DIAPH3: variants seen among roughly 807,000 people sequenced by gnomAD.
DIAPH3 encodes protein diaphanous homolog 3.
Under a neutral mutation model 144.3 loss-of-function variants are expected in DIAPH3, and 117 were observed. The observed-to-expected ratio is 0.81, with a 90% CI of 0.70 to 0.95. DIAPH3 has a LOEUF of 0.95. Among genes scored for constraint, DIAPH3 ranks in the 40% least tolerant of loss-of-function variants. The pLI is 0.00. For missense variants in DIAPH3, 1,421 were observed against 1,412.7 expected, an observed-to-expected ratio of 1.01 and a Z score of -0.09; for synonymous variants, 519 against 488.9, an observed-to-expected ratio of 1.06 and a Z score of -0.81.
chr13:59,724,070 T>C (rs1290308892), intron 27 of DIAPH3, among the ~76,000 whole-genome samples: 1 of 151,396 alleles, frequency 6.6e-6, no homozygotes, highest in Non-Finnish European at 1.5e-5. Context: ...TACCAGCAAG[T>C]ATGGGTAGGG....
At chr13:59,908,369 CAAAAAAAAAA>C (rs773306723) in intron 20 of DIAPH3, among the ~76,000 whole-genome samples, 15 of 41,172 alleles carry the variant, frequency 3.6e-4, no homozygotes, top group Admixed American at 8.1e-4. Flanking sequence ...GACTCTGTCT[CAAAAAAAAAA>C]AAAAAAAAAA....
intron 17 of DIAPH3, among the ~76,000 whole-genome samples, chr13:59,944,801 G>T (rs1199133896): frequency 6.7e-6 from 1 of 149,534 alleles, no homozygotes; most frequent in African/African-American, 2.4e-5. Flanking sequence ...AAAAGGGGGG[G>T]GGCTATTATC....
At chr13:59,682,613 G>A (rs1049554131) in intron 27 of DIAPH3, among the ~76,000 whole-genome samples, 3 of 152,148 alleles carry the variant, frequency 2.0e-5, no homozygotes, top group Non-Finnish European at 2.9e-5. Flanking sequence ...TTTTTTAGCT[G>A]TACTTATGCA....
At chr13:59,873,732 T>C (rs1016951326) in intron 21 of DIAPH3, among the ~76,000 whole-genome samples, 6 of 150,688 alleles carry the variant, frequency 4.0e-5, no homozygotes, top group African/African-American at 1.5e-4. Context: ...AGTGGCATGA[T>C]CTCGGCTCAC....
chr13:59,855,893 T>C (rs1287590470), intron 22 of DIAPH3, among the ~76,000 whole-genome samples: 1 of 151,800 alleles, frequency 6.6e-6, no homozygotes, highest in Non-Finnish European at 1.5e-5. Context: ...AACATATATA[T>C]ATTTATGGAT....
intron 19 of DIAPH3, among the ~76,000 whole-genome samples, chr13:59,913,312 T>C (rs1028645049): frequency 1.3e-5 from 2 of 152,198 alleles, no homozygotes; most frequent in Non-Finnish European, 2.9e-5. Flanking sequence ...GTCTCTCCCC[T>C]TACAAATTCC....
chr13:60,155,633 G>A (rs1346358875), intron 1 of DIAPH3, among the ~76,000 whole-genome samples: 5 of 152,224 alleles, frequency 3.3e-5, no homozygotes, highest in African/African-American at 1.2e-4. Flanking sequence ...TAAAATTTAG[G>A]TGCCTAAAGC....
At chr13:60,040,026 A>C (rs1287586617) in intron 5 of DIAPH3, among the ~76,000 whole-genome samples, 2 of 151,972 alleles carry the variant, frequency 1.3e-5, no homozygotes, top group East Asian at 3.9e-4. Flanking sequence ...ATTAGAGGTC[A>C]GGAATTCAAG....
At chr13:59,915,188 G>C (rs1163951635) in intron 19 of DIAPH3, among the ~76,000 whole-genome samples, 1 of 151,878 alleles carries the variant, frequency 6.6e-6, no homozygotes, top group Non-Finnish European at 1.5e-5. Context: ...CATGAACGAA[G>C]ATGAAAATCC....
At chr13:59,720,526 C>T (rs139878319) in intron 27 of DIAPH3, among the ~76,000 whole-genome samples, 129 of 151,820 alleles carry the variant, frequency 8.5e-4, no homozygotes, top group African/African-American at 2.7e-3. Flanking sequence ...TCTGTAAAAC[C>T]GAGAATTTTA....
chr13:59,665,905 C>G lies in DIAPH3; in HGVS notation c.*679G>C, dbSNP rs996907072. 1 of 152,296 alleles carries G rather than the reference C, an allele frequency of 6.6e-6. No individual in the cohort carries two copies. Among genetic ancestry groups the G allele is most frequent in the Non-Finnish European group, 1.5e-5 (1 of 68,032 alleles). The allele number at this position is 152,296 out of a possible 1,614,324, so 9.4% of individuals were successfully genotyped here. On this transcript the variant is annotated 3_prime_UTR_variant, in exon 28 of 28. Transcript: ENST00000400324. ...CAATTCTGTTTACATCCACGTTACA[C>G]AAAAGCACATGCATTTGGCAAAGAG...
intron 21 of DIAPH3, among the ~76,000 whole-genome samples, chr13:59,863,029 G>T (rs960311672): frequency 6.6e-6 from 1 of 152,138 alleles, no homozygotes; most frequent in Non-Finnish European, 1.5e-5. Context: ...TATGTAGAAT[G>T]AATGAAAAGA....
chr13:59,924,958 C>G (rs1287606846), intron 17 of DIAPH3, 88 bp from the exon 18 acceptor site: 1 of 1,500,402 alleles, frequency 6.7e-7, no homozygotes. Flanking sequence ...ATTAAATAAG[C>G]TAAAAAGGAT....
intron 27 of DIAPH3, among the ~76,000 whole-genome samples, chr13:59,767,674 G>A (rs531641176): frequency 6.6e-6 from 1 of 152,188 alleles, no homozygotes; most frequent in South Asian, 2.1e-4. Context: ...TGGAACACAA[G>A]CAGAACAAGA....
intron 21 of DIAPH3, among the ~76,000 whole-genome samples, chr13:59,876,340 A>T (rs1354710366): frequency 6.6e-6 from 1 of 152,192 alleles, no homozygotes; most frequent in African/African-American, 2.4e-5. Flanking sequence ...TTTCTTCCAC[A>T]ACAGAAGGCT....
chr13:60,005,821 T>C (rs2052835574), intron 9 of DIAPH3, among the ~76,000 whole-genome samples: 1 of 152,146 alleles, frequency 6.6e-6, no homozygotes, highest in Non-Finnish European at 1.5e-5. Flanking sequence ...TATGATACGT[T>C]AATTTAGTCT....
intron 27 of DIAPH3, among the ~76,000 whole-genome samples, chr13:59,703,254 A>G (rs1045731921): frequency 6.6e-6 from 1 of 152,226 alleles, no homozygotes; most frequent in East Asian, 1.9e-4. Context: ...AAAACAGAGT[A>G]TCTGATTAAA....
At chr13:59,786,083 T>C (rs1356882230) in intron 25 of DIAPH3, among the ~76,000 whole-genome samples, 1 of 152,168 alleles carries the variant, frequency 6.6e-6, no homozygotes, top group Non-Finnish European at 1.5e-5. Flanking sequence ...GCCTCAGCAC[T>C]ATAGCCTGGG....
At chr13:59,888,643 C>A (rs2045597854) in intron 20 of DIAPH3, among the ~76,000 whole-genome samples, 1 of 151,920 alleles carries the variant, frequency 6.6e-6, no homozygotes, top group African/African-American at 2.4e-5. Flanking sequence ...TTCAAAAAAT[C>A]ATAAGAAAAA....
Sources: gnomAD v4.1 joint callset for allele counts (sites outside exome capture counted in the v4.1 genomes callset) on GRCh38, gnomAD v4.1.1 for gene constraint, MANE v1.5 for transcripts, NCBI Gene and HGNC (gene_info 2026-07-23, HGNC 2026-07-21) for gene names.